Variants in CPQ observed in about 807,000 individuals in gnomAD.
CPQ encodes Ser-Met dipeptidase.
Under a neutral mutation model 45.7 loss-of-function variants are expected in CPQ, and 37 were observed. The ratio of observed to expected loss-of-function variants is 0.81; its 90% CI spans 0.62 to 1.07. CPQ has a LOEUF of 1.07. CPQ is among the 50% of genes least tolerant of loss of function. CPQ has a pLI of 0.00. For synonymous variants in CPQ, 186 were observed against 205.8 expected (o/e 0.90, Z 0.82); for missense variants, 537 against 572.9 (o/e 0.94, Z 0.64).
At chr8:97,087,801 T>A (rs753823220) in intron 7 of CPQ, among the ~76,000 whole-genome samples, 1 of 152,224 alleles carries the variant, frequency 6.6e-6, no homozygotes, top group Non-Finnish European at 1.5e-5. Flanking sequence ...ATTGCTAACA[T>A]GGAATATTTT....
intron 5 of CPQ, among the ~76,000 whole-genome samples, chr8:96,977,516 A>G (rs1309114039): frequency 2.6e-5 from 4 of 152,166 alleles, no homozygotes; most frequent in Non-Finnish European, 5.9e-5. Flanking sequence ...AGAAGTCAGT[A>G]TATGAAAAAG....
chr8:96,891,959 GGGTTGGGATGAGGTATATTACAAGCTGA>G (rs1563522399), intron 4 of CPQ, among the ~76,000 whole-genome samples: 2 of 152,152 alleles, frequency 1.3e-5, no homozygotes, highest in African/African-American at 4.8e-5. Flanking sequence ...TATAAGGATG[GGGTTGGGATGAGGTATATTACAAGCTGA>G]GGAAGTACAT....
At chr8:96,806,423 C>T (rs1811080820) in intron 2 of CPQ, among the ~76,000 whole-genome samples, 1 of 152,026 alleles carries the variant, frequency 6.6e-6, no homozygotes, top group Non-Finnish European at 1.5e-5. Context: ...TAGGCTCACA[C>T]CCTAAAAAAT....
intron 4 of CPQ, among the ~76,000 whole-genome samples, chr8:96,951,088 T>G (rs1813257482): frequency 6.6e-6 from 1 of 152,168 alleles, no homozygotes; most frequent in Admixed American, 6.5e-5. Context: ...AATGCTTCTT[T>G]GACAGACCAT....
At chr8:96,912,046 G>A (rs1270026827) in intron 4 of CPQ, among the ~76,000 whole-genome samples, 3 of 152,166 alleles carry the variant, frequency 2.0e-5, no homozygotes, top group African/African-American at 7.2e-5. Context: ...GATCGGATGA[G>A]CTACCGCATG....
chr8:97,132,283 C>A (rs1458919780), intron 7 of CPQ, among the ~76,000 whole-genome samples: 1 of 152,156 alleles, frequency 6.6e-6, no homozygotes, highest in East Asian at 1.9e-4. Flanking sequence ...GCCCCCAATA[C>A]CATAAGCATT....
chr8:96,782,598 G>A (rs1006319049), intron 1 of CPQ, among the ~76,000 whole-genome samples: 1 of 152,072 alleles, frequency 6.6e-6, no homozygotes, highest in Non-Finnish European at 1.5e-5. Flanking sequence ...CTAGCAAATG[G>A]TTGTGTGGCC....
At chr8:96,787,100 C>T (rs1319084082) in intron 2 of CPQ, among the ~76,000 whole-genome samples, 2 of 151,966 alleles carry the variant, frequency 1.3e-5, no homozygotes, top group African/African-American at 4.8e-5. Flanking sequence ...ATTGCCTACA[C>T]CATGGTCACA....
At chr8:96,749,104 C>T (rs1810226777) in intron 1 of CPQ, among the ~76,000 whole-genome samples, 1 of 152,172 alleles carries the variant, frequency 6.6e-6, no homozygotes, top group African/African-American at 2.4e-5. Context: ...CTCTCTTCCT[C>T]TCTTGCCTCT....
intron 2 of CPQ, among the ~76,000 whole-genome samples, chr8:96,824,598 G>A (rs1811353472): frequency 6.6e-6 from 1 of 151,946 alleles, no homozygotes; most frequent in Non-Finnish European, 1.5e-5. Flanking sequence ...TAGAATAGTG[G>A]TTTTAAATAT....
At chr8:96,665,932 C>T (rs1034862431) in intron 1 of CPQ, among the ~76,000 whole-genome samples, 6 of 152,134 alleles carry the variant, frequency 3.9e-5, no homozygotes, top group Middle Eastern at 3.4e-3. Context: ...AGAAAATTGC[C>T]AATGGAAAAT....
intron 7 of CPQ, among the ~76,000 whole-genome samples, chr8:97,089,178 G>A (rs1204103414): frequency 3.3e-5 from 5 of 150,830 alleles, no homozygotes; most frequent in Non-Finnish European, 7.4e-5. Flanking sequence ...GGGAGGCGGA[G>A]GTTGTGGTGA....
intron 1 of CPQ, among the ~76,000 whole-genome samples, chr8:96,698,083 A>G (rs1032277681): frequency 2.1e-4 from 32 of 152,182 alleles, no homozygotes; most frequent in Non-Finnish European, 1.8e-4. Flanking sequence ...GAGGAATCAC[A>G]TTATCTGACT....
At chr8:96,944,476 T>C (rs1813163413) in intron 4 of CPQ, among the ~76,000 whole-genome samples, 1 of 152,246 alleles carries the variant, frequency 6.6e-6, no homozygotes, top group Admixed American at 6.5e-5. Context: ...TGCTGTACCA[T>C]TTCTTTCTGA....
intron 7 of CPQ, among the ~76,000 whole-genome samples, chr8:97,067,031 A>G (rs1254048954): frequency 6.8e-6 from 1 of 146,604 alleles, no homozygotes; most frequent in African/African-American, 2.5e-5. Context: ...GCCTTAAGCA[A>G]TCTTCCTGTC....
At chr8:96,712,388 C>T (rs779755031) in intron 1 of CPQ, among the ~76,000 whole-genome samples, 1 of 152,158 alleles carries the variant, frequency 6.6e-6, no homozygotes, top group Non-Finnish European at 1.5e-5. Context: ...GGGGCTATGA[C>T]ACCACATTTC....
At chr8:96,891,278 G>A (rs1021135652) in intron 4 of CPQ, among the ~76,000 whole-genome samples, 9 of 152,162 alleles carry the variant, frequency 5.9e-5, no homozygotes, top group Non-Finnish European at 1.3e-4. Context: ...GTCTATTCCG[G>A]TGCAGACAAA....
At chr8:96,952,940 G>A (rs2130340789) in intron 4 of CPQ, among the ~76,000 whole-genome samples, 1 of 152,200 alleles carries the variant, frequency 6.6e-6, no homozygotes, top group Non-Finnish European at 1.5e-5. Context: ...CCTACTGTAT[G>A]TGCCAGGGTT....
chr8:96,820,164 G>T (rs1182340195), intron 2 of CPQ, among the ~76,000 whole-genome samples: 1 of 151,886 alleles, frequency 6.6e-6, no homozygotes, highest in Non-Finnish European at 1.5e-5. Context: ...ACATTGTCTT[G>T]TCCCTTCTTA....
Sources: allele counts gnomAD v4.1 joint callset (sites outside exome capture counted in the v4.1 genomes callset), GRCh38; gene constraint gnomAD v4.1.1; transcripts MANE v1.5; gene names NCBI Gene and HGNC (gene_info 2026-07-23, HGNC 2026-07-21).